The following DPH6 variants were observed in gnomAD, a reference collection of about 807,000 sequenced individuals.
DPH6 encodes the protein diphthine--ammonia ligase.
A neutral mutation model predicts 38.2 loss-of-function variants in DPH6; 33 were observed. The ratio of observed to expected loss-of-function variants is 0.86; its 90% CI spans 0.65 to 1.15. The LOEUF (loss-of-function observed/expected upper bound fraction) is 1.15. Ranked by LOEUF, DPH6 falls within the 50% of genes most tolerant of loss-of-function variation. The probability of loss-of-function intolerance (pLI) is 0.00; values close to 1 mark genes in which losing one functional copy is unlikely to be tolerated. For synonymous variants in DPH6, 108 were observed against 103.0 expected (o/e 1.05, Z -0.30); for missense variants, 325 against 320.0 (o/e 1.02, Z -0.12).
At chr15:35,313,299 AG>A (rs1407632793) in intron 3 of DPH6, among the ~76,000 whole-genome samples, 3 of 151,310 alleles carry the variant, frequency 2.0e-5, no homozygotes, top group Non-Finnish European at 4.4e-5. Context: ...CTTTTGGCTC[AG>A]GATTGCTTCG....
At chr15:35,538,038 A>G (rs1462391164) in intron 3 of DPH6, 2 of 297,636 alleles carry the variant, frequency 6.7e-6, no homozygotes, top group East Asian at 1.1e-4. Context: ...TTATTTTAAT[A>G]TCATTTGATA....
At chr15:35,466,110 A>G (rs2141115493) in intron 3 of DPH6, among the ~76,000 whole-genome samples, 1 of 152,304 alleles carries the variant, frequency 6.6e-6, no homozygotes, top group East Asian at 1.9e-4. Flanking sequence ...CTGTGGTGGT[A>G]GGACTGCCTG....
At chr15:35,417,116 T>C (rs1177428536) in intron 5 of DPH6, among the ~76,000 whole-genome samples, 1 of 152,054 alleles carries the variant, frequency 6.6e-6, no homozygotes, top group East Asian at 1.9e-4. Context: ...AGTATAAAGA[T>C]TGAATACTTA....
chr15:35,260,071 C>T (rs1202951414), intron 3 of DPH6, among the ~76,000 whole-genome samples: 13 of 152,128 alleles, frequency 8.5e-5, no homozygotes, highest in Admixed American at 8.5e-4. Context: ...TGCCACCATG[C>T]ATCTTTAAGA....
chr15:35,489,371 A>G, intron 3 of DPH6: 7 of 985,398 alleles, frequency 7.1e-6, no homozygotes, highest in Non-Finnish European at 8.4e-6. Flanking sequence ...CAGTTTCATT[A>G]AATTTTTTTC....
chr15:35,204,504 C>T, the DPH6 span, among the ~76,000 whole-genome samples: 1 of 151,636 alleles, frequency 6.6e-6, no homozygotes. Context: ...ATGTTGGAGG[C>T]CATATATAAT....
chr15:35,423,946 G>C (rs1245736104), intron 5 of DPH6, among the ~76,000 whole-genome samples: 3 of 151,580 alleles, frequency 2.0e-5, no homozygotes, highest in African/African-American at 7.3e-5. Flanking sequence ...TTTTATGCCA[G>C]TGCCATTCTG....
the DPH6 span, among the ~76,000 whole-genome samples, chr15:35,177,977 T>C: frequency 1.3e-5 from 2 of 152,230 alleles, no homozygotes; most frequent in African/African-American, 2.4e-5. Flanking sequence ...TACTTTGTAA[T>C]TGTACCTATT....
intron 5 of DPH6, among the ~76,000 whole-genome samples, chr15:35,439,627 T>C (rs2053761607): frequency 6.6e-6 from 1 of 152,208 alleles, no homozygotes; most frequent in Non-Finnish European, 1.5e-5. Flanking sequence ...CCTGTCTACA[T>C]AGTCCCTGTA....
chr15:35,253,637 C>T (rs1367886680), intron 3 of DPH6, among the ~76,000 whole-genome samples: 1 of 152,196 alleles, frequency 6.6e-6, no homozygotes. Context: ...CACATTTCTG[C>T]TTTCTCCCAT....
the DPH6 span, among the ~76,000 whole-genome samples, chr15:35,191,308 T>G: frequency 8.9e-4 from 136 of 152,348 alleles, 1 homozygote; most frequent in African/African-American, 3.2e-3. Context: ...TTATCTGTTC[T>G]GCTTTCATGA....
the DPH6 span, among the ~76,000 whole-genome samples, chr15:35,162,067 T>A: frequency 1.3e-5 from 2 of 151,908 alleles, no homozygotes; most frequent in African/African-American, 2.4e-5. Flanking sequence ...AAGTCTTCAA[T>A]ATATACCCTG....
the DPH6 span, among the ~76,000 whole-genome samples, chr15:35,154,082 C>T: frequency 1.3e-5 from 2 of 152,040 alleles, no homozygotes; most frequent in East Asian, 3.8e-4. Context: ...TCGAAAGTTA[C>T]AATTAGGAGG....
chr15:35,275,285 A>G (rs950510795), intron 3 of DPH6, among the ~76,000 whole-genome samples: 1 of 152,234 alleles, frequency 6.6e-6, no homozygotes, highest in Non-Finnish European at 1.5e-5. Flanking sequence ...ACAATAGCAA[A>G]GACTTGGAAC....
At chr15:35,484,608 T>C (rs2054372378) in intron 3 of DPH6, among the ~76,000 whole-genome samples, 2 of 152,214 alleles carry the variant, frequency 1.3e-5, no homozygotes. Flanking sequence ...TGGCAGCTAT[T>C]TCCCTCAAGG....
rs904024381 is a variant in DPH6 at position 35,284,741 on chromosome 15, T to TA, written n.201-64160dup. ...GAAACAAGTATGATGACTTCTGTAT[T>TA]AAAAAAAAAAGCAAACCTATGACAG... On this transcript the variant is annotated intron_variant and non_coding_transcript_variant, in intron 3 of 3. Transcript: ENST00000560386. Among the ~76,000 whole-genome samples, 263 of 136,120 alleles carry TA rather than the reference T, an allele frequency of 1.9e-3. 2 individuals are homozygous for TA. The highest frequency in any genetic ancestry group is 5.9e-3 in the African/African-American group (221 of 37,418). The allele number at this position is 136,120 out of a possible 152,430, so 89.3% of individuals were successfully genotyped here. A position where few individuals can be genotyped will look rare whatever the true frequency, so the allele number is the denominator to read the frequency against.
chr15:35,340,952 G>A (rs1461468051), intron 3 of DPH6, among the ~76,000 whole-genome samples: 1 of 152,140 alleles, frequency 6.6e-6, no homozygotes, highest in Non-Finnish European at 1.5e-5. Context: ...AGTTCTCCTG[G>A]AGGATATTCT....
At chr15:35,448,922 T>C (rs545553149) in intron 5 of DPH6, among the ~76,000 whole-genome samples, 283 of 150,214 alleles carry the variant, frequency 1.9e-3, no homozygotes, top group Non-Finnish European at 3.2e-3. Context: ...GACCATTTCA[T>C]AGAAAAATGG....
chr15:35,400,786 C>T, intron 6 of DPH6: 1 of 757,902 alleles, frequency 1.3e-6, no homozygotes, highest in Non-Finnish European at 2.4e-6. Flanking sequence ...CCCGAGGATC[C>T]ATTCTGAGCA....
Sources: allele counts gnomAD v4.1 joint callset (sites outside exome capture counted in the v4.1 genomes callset), GRCh38; gene constraint gnomAD v4.1.1; transcripts MANE v1.5; gene names NCBI Gene and HGNC (gene_info 2026-07-23, HGNC 2026-07-21).